The following ELMO1 variants were observed in gnomAD, a reference collection of about 807,000 sequenced individuals.
ELMO1 encodes engulfment and cell motility protein 1.
ELMO1 carries 26 observed loss-of-function variants against 98.9 expected under a neutral mutation model. The ratio of observed to expected loss-of-function variants is 0.26; its 90% CI spans 0.19 to 0.36. ELMO1 has a LOEUF of 0.36. Among genes scored for constraint, ELMO1 ranks in the 10% least tolerant of loss-of-function variants. The pLI, the probability that ELMO1 is intolerant of heterozygous loss-of-function variation, is 1.00. For synonymous variants in ELMO1, 346 were observed against 346.0 expected, an observed-to-expected ratio of 1.00 and a Z score of 0.00; for missense variants, 627 against 935.2, an observed-to-expected ratio of 0.67 and a Z score of 4.30.
At chr7:37,361,123 A>G (rs1263615467) in intron 1 of ELMO1, among the ~76,000 whole-genome samples, 1 of 152,248 alleles carries the variant, frequency 6.6e-6, no homozygotes, top group African/African-American at 2.4e-5. Context: ...GTACATATTT[A>G]TCATATGACA....
intron 4 of ELMO1, among the ~76,000 whole-genome samples, chr7:37,296,320 T>C (rs1562591683): frequency 6.6e-6 from 1 of 152,104 alleles, no homozygotes; most frequent in Non-Finnish European, 1.5e-5. Context: ...CTCTGAGAGG[T>C]TGATCTTAGG....
intron 5 of ELMO1, 75 bp from the exon 6 acceptor site, chr7:37,259,425 A>C: frequency 6.6e-7 from 1 of 1,521,794 alleles, no homozygotes; most frequent in Non-Finnish European, 9.0e-7. Flanking sequence ...TGTTTCAATG[A>C]GGAACAGAGA....
At chr7:36,973,235 G>A (rs894630632) in intron 16 of ELMO1, among the ~76,000 whole-genome samples, 1 of 152,230 alleles carries the variant, frequency 6.6e-6, no homozygotes, top group African/African-American at 2.4e-5. Flanking sequence ...AGGTACATCA[G>A]GATAAAGGCC....
intron 7 of ELMO1, among the ~76,000 whole-genome samples, chr7:37,241,201 AAAAT>A (rs1794749758): frequency 6.6e-6 from 1 of 152,100 alleles, no homozygotes; most frequent in African/African-American, 2.4e-5. Context: ...ATACACATTT[AAAAT>A]AAAAAGGAGG....
chr7:37,301,715 G>A (rs2131025351), intron 4 of ELMO1, among the ~76,000 whole-genome samples: 1 of 152,292 alleles, frequency 6.6e-6, no homozygotes, highest in African/African-American at 2.4e-5. Context: ...TAAAGGCGGT[G>A]AATCCCAATT....
intron 1 of ELMO1, among the ~76,000 whole-genome samples, chr7:37,431,281 G>A (rs900578537): frequency 6.6e-6 from 1 of 152,114 alleles, no homozygotes; most frequent in African/African-American, 2.4e-5. Context: ...AGGCTGCAGT[G>A]AGTTATGACT....
intron 1 of ELMO1, among the ~76,000 whole-genome samples, chr7:37,402,200 A>G (rs1803566458): frequency 6.6e-6 from 1 of 152,172 alleles, no homozygotes; most frequent in South Asian, 2.1e-4. Context: ...TACAGCAACA[A>G]AAAGTTACAA....
At chr7:37,172,342 C>G (rs1284231081) in intron 13 of ELMO1, among the ~76,000 whole-genome samples, 1 of 151,446 alleles carries the variant, frequency 6.6e-6, no homozygotes, top group Non-Finnish European at 1.5e-5. Context: ...AACTGAAGTC[C>G]TCTTCTGAGG....
chr7:36,860,118 C>T (rs779566377), intron 21 of ELMO1, among the ~76,000 whole-genome samples: 1 of 152,064 alleles, frequency 6.6e-6, no homozygotes, highest in East Asian at 1.9e-4. Context: ...GTATAAAATC[C>T]ACATAACATA....
chr7:37,348,223 C>T (rs1801102985), intron 1 of ELMO1, among the ~76,000 whole-genome samples: 1 of 152,118 alleles, frequency 6.6e-6, no homozygotes. Context: ...ACTTAAATTG[C>T]CCAGTAAAAT....
chr7:36,865,438 G>C (rs1053914928), intron 20 of ELMO1, among the ~76,000 whole-genome samples: 1 of 152,104 alleles, frequency 6.6e-6, no homozygotes, highest in African/African-American at 2.4e-5. Context: ...CCTTCTTCAG[G>C]CAGTTACAAC....
chr7:36,883,379 T>G (rs1351631909), intron 18 of ELMO1, among the ~76,000 whole-genome samples: 2 of 152,182 alleles, frequency 1.3e-5, no homozygotes, highest in Admixed American at 1.3e-4. Flanking sequence ...GCCTACAGAT[T>G]CTCATGAAGC....
At chr7:37,168,069 C>G (rs1377992853) in intron 13 of ELMO1, among the ~76,000 whole-genome samples, 1 of 151,678 alleles carries the variant, frequency 6.6e-6, no homozygotes, top group African/African-American at 2.4e-5. Context: ...AACTTCCCTT[C>G]TCGCTTCATT....
chr7:37,278,275 A>C (rs1212371271), intron 4 of ELMO1, among the ~76,000 whole-genome samples: 2 of 151,962 alleles, frequency 1.3e-5, no homozygotes, highest in African/African-American at 4.8e-5. Flanking sequence ...GTCTATAATC[A>C]CTTGACTTTA....
At chr7:37,148,990 G>C (rs886357349) in intron 13 of ELMO1, among the ~76,000 whole-genome samples, 1 of 152,188 alleles carries the variant, frequency 6.6e-6, no homozygotes, top group Non-Finnish European at 1.5e-5. Context: ...GGTGGGTCTT[G>C]ATAATCCATC....
intron 4 of ELMO1, among the ~76,000 whole-genome samples, chr7:37,295,573 G>A (rs1440972300): frequency 6.6e-6 from 1 of 152,166 alleles, no homozygotes; most frequent in Non-Finnish European, 1.5e-5. Flanking sequence ...CTATAAATTA[G>A]CCTTGCACAA....
chr7:37,224,037 C>T (rs1793734982), intron 9 of ELMO1, among the ~76,000 whole-genome samples: 1 of 152,140 alleles, frequency 6.6e-6, no homozygotes, highest in Non-Finnish European at 1.5e-5. Flanking sequence ...GAGAAAAGGC[C>T]ATCTGCTGAG....
intron 18 of ELMO1, among the ~76,000 whole-genome samples, chr7:36,882,694 A>C (rs1804577962): frequency 6.6e-6 from 1 of 152,234 alleles, no homozygotes; most frequent in South Asian, 2.1e-4. Flanking sequence ...AAAACTTCAG[A>C]AATCCCTGTT....
chr7:36,861,875 G>A, intron 20 of ELMO1, 139 bp from the exon 21 acceptor site: 1 of 750,756 alleles, frequency 1.3e-6, no homozygotes, highest in Admixed American at 2.0e-5. Context: ...GATGGAAGGA[G>A]GAACCATGCT....
Sources: allele counts gnomAD v4.1 joint callset (sites outside exome capture counted in the v4.1 genomes callset), GRCh38; gene constraint gnomAD v4.1.1; transcripts MANE v1.5; gene names NCBI Gene and HGNC (gene_info 2026-07-23, HGNC 2026-07-21).